The following ALK variants were observed in gnomAD, a reference collection of about 807,000 sequenced individuals.
ALK encodes ALK tyrosine kinase receptor.
Under a neutral mutation model 163.1 loss-of-function variants are expected in ALK, and 74 were observed. The ratio of observed to expected loss-of-function variants is 0.45; its 90% CI spans 0.38 to 0.55. The LOEUF is 0.55. ALK is among the 20% of genes least tolerant of loss of function. ALK has a pLI of 0.00. For missense variants in ALK, 2,063 were observed against 2,105.3 expected (o/e 0.98, Z 0.39); for synonymous variants, 960 against 843.2 (o/e 1.14, Z -2.40).
intron 3 of ALK, among the ~76,000 whole-genome samples, chr2:29,662,561 T>C (rs1472137853): frequency 1.3e-5 from 2 of 152,162 alleles, no homozygotes; most frequent in Non-Finnish European, 2.9e-5. Context: ...AGAAAGAATT[T>C]ACATCGAGGA....
intron 5 of ALK, among the ~76,000 whole-genome samples, chr2:29,363,968 A>C (rs1668444367): frequency 6.6e-6 from 1 of 152,188 alleles, no homozygotes; most frequent in African/African-American, 2.4e-5. Flanking sequence ...GAGTGAGATC[A>C]CAAAACCCTT....
At position 29,314,021 on chromosome 2, in the gene ALK, C is replaced by T. The variant is rs577321950; in HGVS notation, c.1647+4283G>A. ...TGCTGCCGAGGTCGGGGGCAAGCTT[C>T]AATAAGCCCAATCAACACAGCCTGC... On this transcript the variant is annotated intron_variant, in intron 8 of 28. Transcript: ENST00000389048. 2.6e-5 allele frequency among the ~76,000 whole-genome samples: 4 copies of T among 152,264 alleles called. No homozygotes were observed. In the East Asian group the frequency reaches 7.7e-4, roughly 29 times the overall value.
intron 12 of ALK, among the ~76,000 whole-genome samples, chr2:29,240,200 G>C (rs531512205): frequency 6.7e-6 from 1 of 149,918 alleles, no homozygotes; most frequent in South Asian, 2.1e-4. Context: ...TATGAATGTG[G>C]CATATTGGGG....
chr2:29,241,078 A>G (rs1027104077), intron 12 of ALK, among the ~76,000 whole-genome samples: 7 of 152,144 alleles, frequency 4.6e-5, no homozygotes, highest in African/African-American at 1.4e-4. Flanking sequence ...ATGGAATGCA[A>G]ATGGAGAATC....
chr2:29,330,443 G>A (rs1573241489), intron 5 of ALK, among the ~76,000 whole-genome samples: 1 of 152,080 alleles, frequency 6.6e-6, no homozygotes, highest in Non-Finnish European at 1.5e-5. Flanking sequence ...CCTCCAGAAC[G>A]CTTGTGCACA....
intron 1 of ALK, among the ~76,000 whole-genome samples, chr2:29,880,317 A>C (rs1263393389): frequency 6.6e-6 from 1 of 152,194 alleles, no homozygotes; most frequent in Non-Finnish European, 1.5e-5. Flanking sequence ...CTGGCCAGGC[A>C]GATGTACCCC....
At chr2:29,861,999 C>T (rs913418939) in intron 1 of ALK, among the ~76,000 whole-genome samples, 8 of 152,028 alleles carry the variant, frequency 5.3e-5, no homozygotes, top group Non-Finnish European at 1.0e-4. Context: ...ATATGATACA[C>T]CACATTAAAA....
intron 1 of ALK, among the ~76,000 whole-genome samples, chr2:29,901,036 T>G (rs1300595734): frequency 2.2e-5 from 3 of 135,422 alleles, no homozygotes; most frequent in Middle Eastern, 3.9e-3. Flanking sequence ...CAAGCAAGCT[T>G]TTCCTCATAG....
intron 4 of ALK, among the ~76,000 whole-genome samples, chr2:29,487,031 C>T (rs1573394576): frequency 6.6e-6 from 1 of 152,188 alleles, no homozygotes; most frequent in African/African-American, 2.4e-5. Context: ...ACTAACTGAC[C>T]TATATCAATG....
chr2:29,342,946 G>A (rs971979687), intron 5 of ALK, among the ~76,000 whole-genome samples: 5 of 142,270 alleles, frequency 3.5e-5, no homozygotes, highest in East Asian at 2.1e-4. Context: ...GCAGTGGCGC[G>A]ATCTCTGCCC....
intron 1 of ALK, among the ~76,000 whole-genome samples, chr2:29,807,185 C>G (rs1386213593): frequency 6.6e-6 from 1 of 152,198 alleles, no homozygotes; most frequent in Non-Finnish European, 1.5e-5. Context: ...CCTATCTCTC[C>G]CTGACAACCT....
intron 26 of ALK, among the ~76,000 whole-genome samples, chr2:29,203,298 C>T (rs1025353681): frequency 2.7e-5 from 4 of 147,800 alleles, no homozygotes; most frequent in Admixed American, 6.6e-5. Context: ...GATCTCAGCT[C>T]CAGGCTTTCA....
rs183536990 is a variant in ALK, at chr2:29,856,908, A to G, written c.667+63085T>C. On this transcript the variant is annotated intron_variant, in intron 1 of 28. Coordinates refer to ENST00000389048, the MANE Select transcript of ALK (RefSeq NM_004304.5). ...TCTCCCGCCTCTAGGATTCTGTAAT[A>G]GGATTCTGTAATAGGCACCGTTCTC... is the stretch of plus-strand genomic sequence containing the variant. Among the ~76,000 whole-genome samples the G allele has an allele frequency of 2.6e-5, 4 of 152,296 alleles. No individual in the cohort carries two copies. In the East Asian group the frequency reaches 7.7e-4, roughly 29 times the overall value.
At chr2:29,899,341 T>C (rs956114921) in intron 1 of ALK, among the ~76,000 whole-genome samples, 1 of 152,206 alleles carries the variant, frequency 6.6e-6, no homozygotes, top group African/African-American at 2.4e-5. Context: ...TTGCCCCTTT[T>C]TTGCCCCCTG....
chr2:29,456,523 G>T (rs1670957510), intron 4 of ALK, among the ~76,000 whole-genome samples: 1 of 151,796 alleles, frequency 6.6e-6, no homozygotes. Context: ...AATTCATAGA[G>T]ATAGAAAGTA....
chr2:29,438,870 G>A (rs930469373), intron 4 of ALK, among the ~76,000 whole-genome samples: 1 of 152,168 alleles, frequency 6.6e-6, no homozygotes, highest in Non-Finnish European at 1.5e-5. Context: ...ACTGATTTGG[G>A]GAGGAGAGCA....
chr2:29,201,625 A>G (rs1669181001), intron 26 of ALK, among the ~76,000 whole-genome samples: 2 of 152,090 alleles, frequency 1.3e-5, no homozygotes, highest in African/African-American at 2.4e-5. Flanking sequence ...CGTCTCTACT[A>G]AAAATACAAA....
intron 1 of ALK, among the ~76,000 whole-genome samples, chr2:29,912,931 G>T (rs1420424678): frequency 6.6e-6 from 1 of 152,056 alleles, no homozygotes; most frequent in Non-Finnish European, 1.5e-5. Flanking sequence ...ATAAGTAGGG[G>T]TCAAAGAAAA....
At chr2:29,861,036 G>C (rs1666278055) in intron 1 of ALK, among the ~76,000 whole-genome samples, 2 of 152,148 alleles carry the variant, frequency 1.3e-5, no homozygotes, top group Admixed American at 1.3e-4. Flanking sequence ...GTTGGGTATG[G>C]TGGCATGTGC....
Sources: gnomAD v4.1 joint callset for allele counts (sites outside exome capture counted in the v4.1 genomes callset) on GRCh38, gnomAD v4.1.1 for gene constraint, MANE v1.5 for transcripts, NCBI Gene and HGNC (gene_info 2026-07-23, HGNC 2026-07-21) for gene names.